Variants in DOCK1 observed in about 807,000 individuals in gnomAD.
DOCK1 encodes dedicator of cytokinesis 1.
DOCK1 carries 138 observed loss-of-function variants against 262.7 expected under a neutral mutation model. The ratio of observed to expected loss-of-function variants is 0.53; its 90% confidence interval spans 0.46 to 0.61. The LOEUF is 0.61. Ranked by LOEUF, DOCK1 falls within the 20% of genes least tolerant of loss-of-function variation. The pLI is 0.00. For synonymous variants in DOCK1, 866 were observed against 867.4 expected (o/e 1.00, Z 0.03); for missense variants, 1,908 against 2,370.7 (o/e 0.80, Z 4.05).
chr10:127,235,685 C>T (rs1262012620), intron 27 of DOCK1, among the ~76,000 whole-genome samples: 1 of 152,064 alleles, frequency 6.6e-6, no homozygotes, highest in Non-Finnish European at 1.5e-5. Context: ...AGTATATTAT[C>T]AGCTGTATAT....
intron 23 of DOCK1, among the ~76,000 whole-genome samples, chr10:127,097,970 C>T (rs968939463): frequency 6.6e-6 from 1 of 152,186 alleles, no homozygotes; most frequent in Non-Finnish European, 1.5e-5. Flanking sequence ...CCAAACTCAG[C>T]TCTGTCTTTT....
intron 23 of DOCK1, among the ~76,000 whole-genome samples, chr10:127,082,551 A>C (rs927095531): frequency 6.6e-6 from 1 of 152,158 alleles, no homozygotes. Flanking sequence ...TGTCATGAGA[A>C]CAGCATGGGA....
intron 51 of DOCK1, 68 bp from the exon 52 acceptor site, chr10:127,451,264 C>T (rs2070947954): frequency 6.5e-7 from 1 of 1,528,010 alleles, no homozygotes; most frequent in East Asian, 2.5e-5. Context: ...CAGACCCCAC[C>T]TGGAGACGGT....
rs181374596 is a variant in DOCK1, at chr10:127,124,836, A to T, written c.2624-638A>T. ...AGATGAGAAAAGCTGCAATTCAAAT[A>T]ATTTGTGTTGTAGGAAGTATTTCTT... On this transcript the variant is annotated intron_variant, in intron 25 of 51. Coordinates refer to ENST00000623213, the MANE Select transcript of DOCK1 (RefSeq NM_001290223.2). Among the ~76,000 whole-genome samples the T allele has an allele frequency of 4.4e-3, 665 of 152,284 alleles. 3 individuals are homozygous for T. The highest frequency in any genetic ancestry group is 6.8e-3 in the Middle Eastern group (2 of 294).
At chr10:127,378,085 C>T (rs576228706) in intron 35 of DOCK1, among the ~76,000 whole-genome samples, 2 of 152,046 alleles carry the variant, frequency 1.3e-5, no homozygotes, top group Non-Finnish European at 2.9e-5. Flanking sequence ...AATTATTGGT[C>T]ACTAATGTTG....
chr10:127,193,680 G>A (rs776005935), intron 27 of DOCK1, among the ~76,000 whole-genome samples: 10 of 152,234 alleles, frequency 6.6e-5, no homozygotes, highest in Non-Finnish European at 1.5e-4. Context: ...TTATTTCAGT[G>A]TGTAGGAGTC....
At chr10:127,447,846 G>A (rs1190910992) in intron 51 of DOCK1, among the ~76,000 whole-genome samples, 1 of 152,218 alleles carries the variant, frequency 6.6e-6, no homozygotes, top group African/African-American at 2.4e-5. Context: ...CATCACCATG[G>A]AGATCATTCC....
intron 27 of DOCK1, among the ~76,000 whole-genome samples, chr10:127,208,191 G>T (rs2057808694): frequency 6.6e-6 from 1 of 152,196 alleles, no homozygotes; most frequent in African/African-American, 2.4e-5. Flanking sequence ...GAATTTTGCT[G>T]TCTTAGTTAT....
intron 35 of DOCK1, among the ~76,000 whole-genome samples, chr10:127,375,299 G>A (rs1447716968): frequency 6.6e-6 from 1 of 152,206 alleles, no homozygotes; most frequent in Non-Finnish European, 1.5e-5. Context: ...GGGCTGACTC[G>A]TGGCCATAGT....
chr10:127,110,338 C>T lies in DOCK1; in HGVS notation c.2607C>T (p.Asp869=). 6.2e-7 allele frequency: 1 copy of T among 1,612,884 alleles called. No homozygotes were observed. Among genetic ancestry groups the T allele is most frequent in the Non-Finnish European group, 8.5e-7 (1 of 1,179,440 alleles). Residue 869 remains aspartate, a synonymous_variant, in exon 25 of 52, where the codon GAC becomes GAT. Transcript: ENST00000623213. The part of the protein sequence containing the change: ...LYCLIEIVHS[D]LFTQHDCREI... ...GCTTGATCGAAATCGTCCACAGTGA[C>T]CTCTTCACACAGCATGGTGAGTGGA...
intron 37 of DOCK1, 67 bp downstream of exon 37, chr10:127,381,435 A>G (rs2065818621): frequency 2.7e-6 from 4 of 1,476,200 alleles, no homozygotes; most frequent in South Asian, 1.3e-5. Context: ...TCAGAATTGT[A>G]TTTTTCCATG....
chr10:127,414,063 C>T (rs1247826711), intron 43 of DOCK1, among the ~76,000 whole-genome samples: 1 of 152,130 alleles, frequency 6.6e-6, no homozygotes, highest in African/African-American at 2.4e-5. Flanking sequence ...AGGCACATGC[C>T]ACCACATCTG....
At chr10:127,213,590 G>A (rs148072373) in intron 27 of DOCK1, among the ~76,000 whole-genome samples, 3 of 152,318 alleles carry the variant, frequency 2.0e-5, no homozygotes, top group South Asian at 2.1e-4. Context: ...TTTCAGAAAC[G>A]TGAATACATT....
At chr10:127,259,577 A>T (rs2489415) in intron 29 of DOCK1, among the ~76,000 whole-genome samples, 3 of 152,052 alleles carry the variant, frequency 2.0e-5, no homozygotes, top group African/African-American at 7.2e-5. Flanking sequence ...GCTGCTCTCC[A>T]CCTCTTGACT....
In DOCK1 at chr10:127,018,850, G is replaced by A; in HGVS notation, c.1327+15G>A. 1 of 1,610,686 alleles carries A rather than the reference G, an allele frequency of 6.2e-7. No individual in the cohort carries two copies. The highest frequency in any genetic ancestry group is 1.1e-5 in the South Asian group (1 of 90,780). Reference sequence around the variant, plus strand: ...AATCATGCCTGGTAAGAACTGGCTTGTTCAGGGCTTCTCAGCATGGCATGG... The same window carrying A: ...AATCATGCCTGGTAAGAACTGGCTTATTCAGGGCTTCTCAGCATGGCATGG... On this transcript the variant is annotated intron_variant, in intron 13 of 51. Coordinates refer to ENST00000623213, the MANE Select transcript of DOCK1 (RefSeq NM_001290223.2).
intron 29 of DOCK1, among the ~76,000 whole-genome samples, chr10:127,299,599 C>T (rs1209698101): frequency 6.6e-6 from 1 of 152,186 alleles, no homozygotes; most frequent in Non-Finnish European, 1.5e-5. Flanking sequence ...GAGGGAGCAT[C>T]GCCTTGCCAG....
intron 1 of DOCK1, among the ~76,000 whole-genome samples, chr10:126,970,383 T>C (rs1160082797): frequency 2.0e-5 from 3 of 152,332 alleles, no homozygotes; most frequent in East Asian, 3.9e-4. Flanking sequence ...AATTGATTCA[T>C]AGGCAGATAA....
chr10:127,176,207 C>T lies in DOCK1; in HGVS notation c.2847+48443C>T. 2.5e-6 allele frequency: 4 copies of T among 1,614,162 alleles called. No homozygotes were observed. Among genetic ancestry groups the T allele is most frequent in the Non-Finnish European group, 2.5e-6 (3 of 1,180,036 alleles). On this transcript the variant is annotated intron_variant, in intron 27 of 51. Transcript: ENST00000623213. This position sits in a 1 kb window ranked among gnomAD's most constrained non-coding sequence, Gnocchi z 4.4. ...TCTCCCCCAGCTGGCCCGAGGACAG[C>T]TGTGTGTCCCTCTGCTCATTCTGTG... is the stretch of plus-strand genomic sequence containing the variant.
rs190783622 is a variant in DOCK1, at chr10:127,398,540, A to G, written c.3928-4515A>G. Among the ~76,000 whole-genome samples, 379 of 152,314 alleles carry G rather than the reference A, an allele frequency of 2.5e-3. 5 individuals are homozygous for G. Among genetic ancestry groups the G allele is most frequent in the Admixed American group, 0.019 (297 of 15,292 alleles). ...CCAGAGTTCCAGATTCTTCCGCACC[A>G]GTGATTTTAATCCATTTTGATGTCA... is the stretch of plus-strand genomic sequence containing the variant. On this transcript the variant is annotated intron_variant, in intron 38 of 51. Coordinates refer to ENST00000623213, the MANE Select transcript of DOCK1 (RefSeq NM_001290223.2).
Sources: allele counts gnomAD v4.1 joint callset (sites outside exome capture counted in the v4.1 genomes callset), GRCh38; gene constraint gnomAD v4.1.1; non-coding constraint Gnocchi (gnomAD v3.1); transcripts MANE v1.5; gene names NCBI Gene and HGNC (gene_info 2026-07-23, HGNC 2026-07-21).